Variants in DPH6 observed in about 807,000 individuals in gnomAD.
The protein encoded by DPH6 is diphthine--ammonia ligase.
Under a neutral mutation model 38.2 loss-of-function variants are expected in DPH6, and 33 were observed. The observed-to-expected ratio is 0.86, with a 90% CI of 0.65 to 1.15. The LOEUF (loss-of-function observed/expected upper bound fraction) is 1.15. DPH6 is among the 50% of genes most tolerant of loss of function. DPH6 has a pLI of 0.00. For synonymous variants in DPH6, 108 were observed against 103.0 expected, an observed-to-expected ratio of 1.05 and a Z score of -0.30; for missense variants, 325 against 320.0, an observed-to-expected ratio of 1.02 and a Z score of -0.12.
chr15:35,436,495 A>AAACAAAG (rs200134718), intron 5 of DPH6, among the ~76,000 whole-genome samples: 5 of 38,018 alleles, frequency 1.3e-4, no homozygotes, highest in African/African-American at 3.2e-4. Flanking sequence ...AAAACAAAAC[A>AAACAAAG]AAACAAAACA....
At position 35,517,756 on chromosome 15, in the gene DPH6, A is replaced by C. The variant is rs549595576; in HGVS notation, c.312+20518T>G. 3.3e-5 allele frequency among the ~76,000 whole-genome samples: 5 copies of C among 152,234 alleles called. No individual in the cohort carries two copies. The South Asian group carries it at 1.0e-3, about 32-fold the overall frequency. On this transcript the variant is annotated intron_variant, in intron 3 of 8. Transcript: ENST00000256538. ...TACAAGAAAAACAACAATTTACTGA[A>C]TATTGAGAACATTCAATTCCAAAGT...
intron 3 of DPH6, among the ~76,000 whole-genome samples, chr15:35,230,123 GC>G (rs540658555): frequency 1.6e-4 from 25 of 152,312 alleles, no homozygotes; most frequent in African/African-American, 4.6e-4. Context: ...GTTCCCCTAG[GC>G]CCCAGGCAGG....
At chr15:35,180,610 G>T in the DPH6 span, among the ~76,000 whole-genome samples, 2 of 152,082 alleles carry the variant, frequency 1.3e-5, no homozygotes, top group Non-Finnish European at 2.9e-5. Context: ...ACAAGTGTGT[G>T]CCACCATGCC....
chr15:35,371,631 C>T lies in DPH6; in HGVS notation c.*519G>A. ...ATAACTTGTAAGAGTTAAGGACATT[C>T]TTCCTAATTGTCCAATAACGTTGAA... On this transcript the variant is annotated 3_prime_UTR_variant, in exon 9 of 9. Coordinates refer to ENST00000256538, the MANE Select transcript of DPH6 (RefSeq NM_080650.4). The T allele has an allele frequency of 1.0e-6, 1 of 983,766 alleles. No homozygotes were observed. The highest frequency in any genetic ancestry group is 1.2e-6 in the Non-Finnish European group (1 of 828,510). The allele number at this position is 983,766 out of a possible 1,614,324, so 60.9% of individuals were successfully genotyped here. A position where few individuals can be genotyped will look rare whatever the true frequency, so the allele number is the denominator to read the frequency against.
chr15:35,181,558 T>C, the DPH6 span, among the ~76,000 whole-genome samples: 2 of 152,056 alleles, frequency 1.3e-5, no homozygotes, highest in Non-Finnish European at 2.9e-5. Flanking sequence ...GAGATTATGA[T>C]TGACATCAGG....
the DPH6 span, among the ~76,000 whole-genome samples, chr15:35,185,722 CTCT>C: frequency 7.8e-6 from 1 of 127,786 alleles, no homozygotes; most frequent in African/African-American, 3.0e-5. Flanking sequence ...GTCCAATCCA[CTCT>C]TTTTTTTTTT....
At chr15:35,409,399 T>A (rs1476271885) in intron 6 of DPH6, among the ~76,000 whole-genome samples, 1 of 151,994 alleles carries the variant, frequency 6.6e-6, no homozygotes. Context: ...AGGAACTTGC[T>A]GAAGAATCAT....
At chr15:35,366,079 G>A, downstream of DPH6, 1 of 954,052 alleles carries the variant, frequency 1.0e-6, no homozygotes, top group Non-Finnish European at 1.2e-6. Flanking sequence ...CTATTTGTAA[G>A]GAAATATTTT....
At chr15:35,345,726 C>T (rs1434978920) in intron 3 of DPH6, among the ~76,000 whole-genome samples, 1 of 151,706 alleles carries the variant, frequency 6.6e-6, no homozygotes, top group African/African-American at 2.4e-5. Context: ...TTTATTATTT[C>T]CAAGTATATT....
the DPH6 span, among the ~76,000 whole-genome samples, chr15:35,176,669 C>T: frequency 1.3e-5 from 2 of 152,120 alleles, no homozygotes; most frequent in African/African-American, 4.8e-5. Flanking sequence ...TGGGGTTTCT[C>T]CATGTTGGTC....
intron 3 of DPH6, among the ~76,000 whole-genome samples, chr15:35,267,682 C>T (rs1221289325): frequency 1.3e-5 from 2 of 152,174 alleles, no homozygotes; most frequent in Non-Finnish European, 2.9e-5. Flanking sequence ...GTTAATGTTA[C>T]ATACAACTCA....
chr15:35,243,948 T>C (rs1011223038), intron 3 of DPH6, among the ~76,000 whole-genome samples: 1 of 152,234 alleles, frequency 6.6e-6, no homozygotes, highest in Admixed American at 6.5e-5. Context: ...AAATGACCAA[T>C]AATCACTGGA....
At chr15:35,487,346 C>T (rs1277900904) in intron 3 of DPH6, among the ~76,000 whole-genome samples, 2 of 152,266 alleles carry the variant, frequency 1.3e-5, no homozygotes, top group African/African-American at 4.8e-5. Flanking sequence ...TCTGCCCCTG[C>T]AGCAGACTTC....
At chr15:35,178,508 G>A in the DPH6 span, among the ~76,000 whole-genome samples, 5 of 152,158 alleles carry the variant, frequency 3.3e-5, no homozygotes, top group Non-Finnish European at 7.4e-5. Flanking sequence ...CCGCCCCCAT[G>A]ATTCAATTAC....
downstream of DPH6, among the ~76,000 whole-genome samples, chr15:35,367,756 G>A (rs894647937): frequency 6.6e-6 from 1 of 151,650 alleles, no homozygotes; most frequent in Admixed American, 6.6e-5. Context: ...GTCATCATAT[G>A]TAAAGTGAAA....
chr15:35,473,109 G>A (rs1021879614), intron 3 of DPH6, among the ~76,000 whole-genome samples: 8 of 152,106 alleles, frequency 5.3e-5, no homozygotes, highest in Non-Finnish European at 1.2e-4. Flanking sequence ...TCTCTAAGAT[G>A]CTCGGTTTCA....
chr15:35,499,706 C>A (rs910156592), intron 3 of DPH6, among the ~76,000 whole-genome samples: 1 of 152,202 alleles, frequency 6.6e-6, no homozygotes, highest in African/African-American at 2.4e-5. Flanking sequence ...AAGGGAAATA[C>A]TAGTTCCAGC....
intron 3 of DPH6, among the ~76,000 whole-genome samples, chr15:35,495,349 G>C (rs981575480): frequency 2.6e-5 from 4 of 152,114 alleles, no homozygotes; most frequent in African/African-American, 9.7e-5. Flanking sequence ...TTATCTACAA[G>C]TTAAGAAGAG....
At chr15:35,147,428 G>T in the DPH6 span, among the ~76,000 whole-genome samples, 1 of 152,078 alleles carries the variant, frequency 6.6e-6, no homozygotes, top group East Asian at 1.9e-4. Context: ...CTGCCTTCAG[G>T]GTTCTTCAAT....
Sources: allele counts gnomAD v4.1 joint callset (sites outside exome capture counted in the v4.1 genomes callset), GRCh38; gene constraint gnomAD v4.1.1; transcripts MANE v1.5; gene names NCBI Gene and HGNC (gene_info 2026-07-23, HGNC 2026-07-21).